UBA2: variants seen among roughly 807,000 people sequenced by gnomAD.
UBA2 encodes SUMO-activating enzyme subunit 2.
UBA2 carries 11 observed loss-of-function variants against 77.2 expected under a neutral mutation model. The observed-to-expected ratio is 0.14, with a 90% CI of 0.09 to 0.24. The LOEUF (loss-of-function observed/expected upper bound fraction) is 0.24, where lower values mean the gene tolerates loss of function less well. Among genes scored for constraint, UBA2 ranks in the 10% least tolerant of loss-of-function variants. The pLI is 1.00. For synonymous variants in UBA2, 278 were observed against 276.7 expected (o/e 1.00, Z -0.05); for missense variants, 487 against 781.7 (o/e 0.62, Z 4.50).
At chr19:34,428,830 A>C in intron 1 of UBA2, 20 of 1,134,500 alleles carry the variant, frequency 1.8e-5, no homozygotes, top group Non-Finnish European at 2.2e-5. Flanking sequence ...GGCAGCGCCA[A>C]TGTGTGGCGC....
Position 34,467,006 on chromosome 19 carries a change from C to T in UBA2, c.1733C>T (p.Thr578Ile), listed in dbSNP as rs201934147. 13 of 1,614,026 alleles carry T rather than the reference C, an allele frequency of 8.1e-6. No individual in the cohort carries two copies. The East Asian group carries it at 2.5e-4, about 30-fold the overall frequency. The change falls in exon 16 of 17, where the codon ACC (threonine) becomes ATC (isoleucine). Residue 578 changes from threonine to isoleucine, a missense_variant. Physicochemically the swap from Thr to Ile is moderately conservative, Grantham distance 89 (BLOSUM62 -1). Transcript: ENST00000246548. ...NGSDDGAQPS[T>I]STAQEQDDVL... Reference sequence around the variant, plus strand: ...AGTGATGATGGAGCTCAGCCCTCCACCTCCACAGGTGAGTATGGCCCCAGC... The same window carrying T: ...AGTGATGATGGAGCTCAGCCCTCCATCTCCACAGGTGAGTATGGCCCCAGC...
chr19:34,457,051 G>A (rs977413205), intron 12 of UBA2, among the ~76,000 whole-genome samples: 2 of 149,576 alleles, frequency 1.3e-5, no homozygotes, highest in Admixed American at 6.7e-5. Flanking sequence ...ATATCTGGCC[G>A]GGCACGATGG....
intron 6 of UBA2, among the ~76,000 whole-genome samples, chr19:34,439,577 C>T (rs188797578): frequency 2.4e-4 from 36 of 152,288 alleles, no homozygotes; most frequent in Admixed American, 8.5e-4. Context: ...TGCCTCTAAT[C>T]CCAGCACTGT....
rs933050010 is a variant in UBA2 at position 34,439,664 on chromosome 19, T to C, written c.581+898T>C. Among the ~76,000 whole-genome samples, 7 of 151,886 alleles carry C rather than the reference T, an allele frequency of 4.6e-5. No individual in the cohort carries two copies. The East Asian group carries it at 1.4e-3, about 30-fold the overall frequency. ...GGGAAACATGGCAAAACCGTGTCTC[T>C]ACAAAAAATAGAAAAATGAGCCAGG... On this transcript the variant is annotated intron_variant, in intron 6 of 16. Transcript: ENST00000246548.
intron 8 of UBA2, among the ~76,000 whole-genome samples, chr19:34,449,099 C>G (rs1318167092): frequency 9.2e-6 from 1 of 108,310 alleles, no homozygotes; most frequent in Non-Finnish European, 1.7e-5. Context: ...GAGACTGAGT[C>G]TCACTCTGTT....
chr19:34,437,307 C>CTGTG (rs1286784130), intron 5 of UBA2, among the ~76,000 whole-genome samples: 2 of 150,474 alleles, frequency 1.3e-5, no homozygotes, highest in Non-Finnish European at 1.5e-5. Flanking sequence ...TGACACACCA[C>CTGTG]TGTGTATTAA....
intron 14 of UBA2, among the ~76,000 whole-genome samples, chr19:34,461,832 A>G (rs1298994022): frequency 6.6e-6 from 1 of 152,194 alleles, no homozygotes; most frequent in African/African-American, 2.4e-5. Context: ...GAGTGTGTAC[A>G]CAGTATGAAT....
At chr19:34,442,238 C>A (rs1322518199) in intron 6 of UBA2, among the ~76,000 whole-genome samples, 3 of 151,978 alleles carry the variant, frequency 2.0e-5, no homozygotes, top group Admixed American at 6.6e-5. Flanking sequence ...GTCACACACA[C>A]AAAAAAGATA....
intron 3 of UBA2, 43 bp downstream of exon 3, chr19:34,431,974 G>A (rs760170347): frequency 4.0e-6 from 6 of 1,485,870 alleles, no homozygotes; most frequent in Non-Finnish European, 5.6e-6. Context: ...TAAGGGTTTT[G>A]TAAGCCAAAT....
chr19:34,452,035 AC>A lies in UBA2; in HGVS notation c.928del (p.Gln310SerfsTer4). Reference sequence around the variant, plus strand: ...AATGAACCCCAGTTAGGCCTGAAAGACCAGCAGGTTCTAGATGTAAAGAGCT... The same window carrying A: ...AATGAACCCCAGTTAGGCCTGAAAGACAGCAGGTTCTAGATGTAAAGAGCT... ...QQNEPQLGLK[D>X]QQVLDVKSYA... On this transcript the variant is annotated frameshift_variant, in exon 10 of 17. Coordinates refer to ENST00000246548, the MANE Select transcript of UBA2 (RefSeq NM_005499.3). LOFTEE classifies it high-confidence loss of function. 6.2e-7 allele frequency: 1 copy of A among 1,609,204 alleles called. No homozygotes were observed.
intron 6 of UBA2, among the ~76,000 whole-genome samples, chr19:34,440,152 C>T (rs1026291049): frequency 8.6e-5 from 13 of 151,854 alleles, no homozygotes; most frequent in Admixed American, 7.9e-4. Flanking sequence ...GGCGAAACCC[C>T]GTCTCTACTA....
chr19:34,434,697 G>A (rs977223593), intron 4 of UBA2, among the ~76,000 whole-genome samples, 171 bp from the exon 5 acceptor site: 1 of 152,158 alleles, frequency 6.6e-6, no homozygotes, highest in Non-Finnish European at 1.5e-5. Flanking sequence ...ATTTTGCTAA[G>A]TGAATGTCTC....
chr19:34,433,169 A>G (rs2075273833), intron 3 of UBA2, 179 bp from the exon 4 acceptor site: 1 of 521,922 alleles, frequency 1.9e-6, no homozygotes, highest in African/African-American at 2.0e-5. Context: ...TGAAGGAAAT[A>G]ATTTCTTTAA....
At position 34,429,013 on chromosome 19, in the gene UBA2, CGTCCCGAGCGCTG is replaced by C. The variant is rs890977466; in HGVS notation, c.138+447_138+459del. 143 of 985,482 alleles carry C rather than the reference CGTCCCGAGCGCTG, an allele frequency of 1.5e-4. No homozygotes were observed. In the African/African-American group the frequency reaches 2.4e-3, roughly 16 times the overall value. 61.0% of individuals were successfully genotyped at this position (985,482 alleles called of 1,614,324 possible). A position where few individuals can be genotyped will look rare whatever the true frequency, so the allele number is the denominator to read the frequency against. On this transcript the variant is annotated intron_variant, in intron 1 of 16. Transcript: ENST00000246548. ...AGGATGGCAATGATAGCGACCAACG[CGTCCCGAGCGCTG>C]GTCACGAGCGGGTTTACACACGGAA...
intron 13 of UBA2, among the ~76,000 whole-genome samples, 183 bp from the exon 14 acceptor site, chr19:34,460,287 T>A (rs2075616668): frequency 6.6e-6 from 1 of 152,190 alleles, no homozygotes; most frequent in Non-Finnish European, 1.5e-5. Context: ...TGGTCAGATG[T>A]GGGGATGGAA....
At chr19:34,449,395 T>G (rs2075468309) in intron 8 of UBA2, among the ~76,000 whole-genome samples, 1 of 150,922 alleles carries the variant, frequency 6.6e-6, no homozygotes, top group Admixed American at 6.7e-5. Flanking sequence ...CTTTGTGATA[T>G]TCACACTAAA....
At chr19:34,463,152 C>T (rs960860086) in intron 14 of UBA2, among the ~76,000 whole-genome samples, 9 of 151,782 alleles carry the variant, frequency 5.9e-5, no homozygotes, top group Admixed American at 5.2e-4. Context: ...ACCTGTAGTC[C>T]CAGCTATTCT....
chr19:34,464,214 T>C, intron 15 of UBA2, 83 bp downstream of exon 15: 1 of 929,208 alleles, frequency 1.1e-6, no homozygotes, highest in Non-Finnish European at 1.7e-6. Flanking sequence ...TGTTTTCTTA[T>C]CCTTAAACCC....
At chr19:34,447,778 G>T (rs1008342403) in intron 8 of UBA2, among the ~76,000 whole-genome samples, 3 of 152,164 alleles carry the variant, frequency 2.0e-5, no homozygotes, top group South Asian at 2.1e-4. Context: ...TCATCTAAAG[G>T]ACTCATCTCC....
Sources: allele counts gnomAD v4.1 joint callset (sites outside exome capture counted in the v4.1 genomes callset), GRCh38; gene constraint gnomAD v4.1.1; transcripts MANE v1.5; gene names NCBI Gene and HGNC (gene_info 2026-07-23, HGNC 2026-07-21).